Variants in LRMDA observed in about 807,000 individuals in gnomAD.
LRMDA encodes the protein leucine-rich melanocyte differentiation-associated protein.
In LRMDA, 18 loss-of-function variants were observed where a neutral mutation model predicts 29.8. The ratio of observed to expected loss-of-function variants is 0.60; its 90% CI spans 0.42 to 0.90. The LOEUF is 0.90. Ranked by LOEUF, LRMDA falls within the 40% of genes least tolerant of loss-of-function variation. The probability of loss-of-function intolerance (pLI) is 0.00; values close to 1 mark genes in which losing one functional copy is unlikely to be tolerated. For synonymous variants in LRMDA, 125 were observed against 109.4 expected, an observed-to-expected ratio of 1.14 and a Z score of -0.89; for missense variants, 273 against 273.9, an observed-to-expected ratio of 1.00 and a Z score of 0.02.
chr10:76,539,965 C>T (rs977755580), intron 6 of LRMDA, among the ~76,000 whole-genome samples: 7 of 150,758 alleles, frequency 4.6e-5, no homozygotes, highest in East Asian at 1.9e-4. Context: ...TCTGATTTGG[C>T]GTAATGATAT....
chr10:76,317,976 T>C (rs943870205), intron 5 of LRMDA, among the ~76,000 whole-genome samples: 2 of 152,242 alleles, frequency 1.3e-5, no homozygotes, highest in Admixed American at 1.3e-4. Flanking sequence ...CATGTTGACT[T>C]AATGCTAGGT....
chr10:76,388,624 T>C (rs770331824), intron 6 of LRMDA, among the ~76,000 whole-genome samples: 5 of 152,202 alleles, frequency 3.3e-5, no homozygotes, highest in Non-Finnish European at 5.9e-5. Flanking sequence ...TCAGAAGTTT[T>C]TCTGACTTAT....
At chr10:75,470,949 A>C (rs954387428) in intron 2 of LRMDA, among the ~76,000 whole-genome samples, 1 of 152,172 alleles carries the variant, frequency 6.6e-6, no homozygotes, top group Non-Finnish European at 1.5e-5. Context: ...TTGAATCCGC[A>C]GCCCTGGCCC....
intron 6 of LRMDA, among the ~76,000 whole-genome samples, chr10:76,483,025 A>C (rs975798381): frequency 6.6e-6 from 1 of 151,828 alleles, no homozygotes; most frequent in African/African-American, 2.4e-5. Context: ...TGACCATTTA[A>C]ATTTCCTCTA....
chr10:76,331,964 C>T lies in LRMDA; in HGVS notation c.601+7479C>T, dbSNP rs1412491424. Among the ~76,000 whole-genome samples the T allele has an allele frequency of 2.6e-5, 4 of 152,206 alleles. No homozygotes were observed. In the South Asian group the frequency reaches 6.2e-4, roughly 24 times the overall value. ...CTATTTTCAGTGTGTGCACTCTGTT[C>T]CAAAGTAAAAGGACTTTACTAAGTG... On this transcript the variant is annotated intron_variant, in intron 6 of 6. Coordinates refer to ENST00000611255, the MANE Select transcript of LRMDA (RefSeq NM_001305581.2).
At chr10:76,204,119 T>C (rs1268627126) in intron 5 of LRMDA, among the ~76,000 whole-genome samples, 1 of 137,482 alleles carries the variant, frequency 7.3e-6, no homozygotes, top group Non-Finnish European at 1.5e-5. Flanking sequence ...TCAACCCATC[T>C]CTCCATGTGC....
chr10:75,656,250 G>A (rs1171409300), intron 2 of LRMDA, among the ~76,000 whole-genome samples: 1 of 152,188 alleles, frequency 6.6e-6, no homozygotes, highest in African/African-American at 2.4e-5. Context: ...TAGTGGCTAA[G>A]AGCCCAGATT....
chr10:76,035,001 G>A (rs1342706602), intron 2 of LRMDA, among the ~76,000 whole-genome samples: 1 of 151,666 alleles, frequency 6.6e-6, no homozygotes, highest in Non-Finnish European at 1.5e-5. Flanking sequence ...CAACTACCTC[G>A]TGTCACCTCC....
chr10:76,381,265 G>A (rs552881883), intron 6 of LRMDA, among the ~76,000 whole-genome samples: 116 of 151,956 alleles, frequency 7.6e-4, no homozygotes, highest in African/African-American at 2.6e-3. Flanking sequence ...ACATTTGTAC[G>A]TCATTTAGGA....
intron 2 of LRMDA, among the ~76,000 whole-genome samples, chr10:75,492,399 G>A (rs1844999184): frequency 6.6e-6 from 1 of 152,154 alleles, no homozygotes; most frequent in Admixed American, 6.5e-5. Flanking sequence ...TGCCCCTTGT[G>A]GAGTCATTGC....
intron 6 of LRMDA, among the ~76,000 whole-genome samples, chr10:76,502,866 A>T (rs376797422): frequency 6.6e-6 from 1 of 151,492 alleles, no homozygotes; most frequent in Admixed American, 6.6e-5. Flanking sequence ...TTCTTTGCCT[A>T]TTTGGATGCC....
At chr10:75,682,434 G>GGT (rs143384483) in intron 2 of LRMDA, among the ~76,000 whole-genome samples, 91,451 of 150,030 alleles carry the variant, frequency 0.61, 31,458 homozygotes, top group Non-Finnish European at 0.77. Context: ...TGTGTGTGGG[G>GGT]GTGTGTGTGT....
intron 5 of LRMDA, among the ~76,000 whole-genome samples, chr10:76,155,039 T>G (rs533629163): frequency 3.3e-5 from 5 of 152,284 alleles, no homozygotes; most frequent in Admixed American, 6.5e-5. Flanking sequence ...TCTTTGCATG[T>G]TCCCATCAAA....
At chr10:75,991,930 T>A (rs917266328) in intron 2 of LRMDA, among the ~76,000 whole-genome samples, 1 of 152,166 alleles carries the variant, frequency 6.6e-6, no homozygotes, top group African/African-American at 2.4e-5. Context: ...GTGTTTGACA[T>A]CTCCTTGACG....
At chr10:76,370,747 C>T (rs1841444289) in intron 6 of LRMDA, among the ~76,000 whole-genome samples, 1 of 152,000 alleles carries the variant, frequency 6.6e-6, no homozygotes, top group Non-Finnish European at 1.5e-5. Flanking sequence ...ATAGGAAAAA[C>T]ATAGTATACA....
rs1340932196 is a variant in LRMDA, at chr10:76,555,702, CTA to C, written c.602-1506_602-1505del. Among the ~76,000 whole-genome samples the C allele has an allele frequency of 3.4e-5, 5 of 147,768 alleles. No homozygotes were observed. In the East Asian group the frequency reaches 1.0e-3, roughly 30 times the overall value. On this transcript the variant is annotated intron_variant, in intron 6 of 6. Transcript: ENST00000611255. Reference sequence around the variant, plus strand: ...TCTTTTACAGTTGCAAAAATATTTACTACTTAGAACTTCTGATGTGAAGAACC... The same window carrying C: ...TCTTTTACAGTTGCAAAAATATTTACCTTAGAACTTCTGATGTGAAGAACC...
chr10:76,488,696 G>A (rs1842805654), intron 6 of LRMDA, among the ~76,000 whole-genome samples: 1 of 151,806 alleles, frequency 6.6e-6, no homozygotes, highest in Admixed American at 6.6e-5. Flanking sequence ...ATTTTCTAAA[G>A]GAACTGTACC....
intron 2 of LRMDA, among the ~76,000 whole-genome samples, chr10:75,672,871 C>T (rs1423428483): frequency 6.6e-6 from 1 of 151,716 alleles, no homozygotes; most frequent in East Asian, 2.0e-4. Context: ...TGCGCCCAAC[C>T]CTTTGTATTG....
intron 5 of LRMDA, among the ~76,000 whole-genome samples, chr10:76,207,242 CA>C (rs1473039013): frequency 6.6e-6 from 1 of 152,078 alleles, no homozygotes; most frequent in African/African-American, 2.4e-5. Context: ...TACACTTTAC[CA>C]GGGGGAAGAG....
Sources: gnomAD v4.1 joint callset for allele counts (sites outside exome capture counted in the v4.1 genomes callset) on GRCh38, gnomAD v4.1.1 for gene constraint, MANE v1.5 for transcripts, NCBI Gene and HGNC (gene_info 2026-07-23, HGNC 2026-07-21) for gene names.